The following ATP10B variants were observed in gnomAD, a reference collection of about 807,000 sequenced individuals.
The protein encoded by ATP10B is phospholipid-transporting ATPase VB.
ATP10B carries 122 observed loss-of-function variants against 141.2 expected under a neutral mutation model. The observed-to-expected ratio is 0.86, with a 90% CI of 0.75 to 1.00. The LOEUF is 1.00. Among genes scored for constraint, ATP10B ranks in the 50% least tolerant of loss-of-function variants. The probability of loss-of-function intolerance (pLI) is 0.00; values close to 1 mark genes in which losing one functional copy is unlikely to be tolerated. For synonymous variants in ATP10B, 685 were observed against 692.0 expected, an observed-to-expected ratio of 0.99 and a Z score of 0.16; for missense variants, 1,876 against 1,825.3, an observed-to-expected ratio of 1.03 and a Z score of -0.51.
chr5:160,841,236 G>T (rs773917144), intron 1 of ATP10B, among the ~76,000 whole-genome samples: 13 of 151,980 alleles, frequency 8.6e-5, no homozygotes, highest in African/African-American at 1.5e-4. Context: ...TGTAAACAAA[G>T]AATGAGGAAG....
At chr5:160,665,256 C>G (rs1021431220) in intron 7 of ATP10B, among the ~76,000 whole-genome samples, 1 of 152,146 alleles carries the variant, frequency 6.6e-6, no homozygotes, top group African/African-American at 2.4e-5. Flanking sequence ...GAGAAAGACC[C>G]TTTTAAGAAG....
the ATP10B span, among the ~76,000 whole-genome samples, chr5:160,926,842 G>A: frequency 2.6e-5 from 4 of 152,230 alleles, no homozygotes; most frequent in Non-Finnish European, 5.9e-5. Context: ...TTTTGGTACT[G>A]TGGATTTTCT....
intron 18 of ATP10B, among the ~76,000 whole-genome samples, chr5:160,607,349 C>A (rs1348691844): frequency 6.6e-6 from 1 of 152,142 alleles, no homozygotes; most frequent in Non-Finnish European, 1.5e-5. Context: ...GAGATAGACA[C>A]AAGGATGGCA....
chr5:160,820,018 A>T (rs1773978388), intron 1 of ATP10B, among the ~76,000 whole-genome samples: 1 of 152,108 alleles, frequency 6.6e-6, no homozygotes, highest in Admixed American at 6.5e-5. Context: ...AAGAAAAGAA[A>T]TAATAAGGAT....
At chr5:160,780,478 A>T (rs1209580447) in intron 2 of ATP10B, among the ~76,000 whole-genome samples, 4 of 152,192 alleles carry the variant, frequency 2.6e-5, no homozygotes, top group Non-Finnish European at 2.9e-5. Flanking sequence ...GTTCAGACTT[A>T]AACATCTAGA....
At chr5:160,749,517 G>A (rs1056055671) in intron 2 of ATP10B, among the ~76,000 whole-genome samples, 5 of 152,016 alleles carry the variant, frequency 3.3e-5, no homozygotes, top group African/African-American at 1.2e-4. Flanking sequence ...ATCCCTCATT[G>A]CCACCTGGTG....
intron 2 of ATP10B, among the ~76,000 whole-genome samples, chr5:160,737,940 G>A (rs184145980): frequency 2.0e-5 from 3 of 152,064 alleles, no homozygotes; most frequent in East Asian, 1.9e-4. Flanking sequence ...AGATTTGAAC[G>A]TTACTATCAA....
At chr5:160,914,547 T>C in the ATP10B span, among the ~76,000 whole-genome samples, 1 of 152,248 alleles carries the variant, frequency 6.6e-6, no homozygotes, top group South Asian at 2.1e-4. Context: ...TTTATGCTAT[T>C]GGTTTTTTTG....
chr5:160,876,031 C>T, the ATP10B span, among the ~76,000 whole-genome samples: 3 of 46,878 alleles, frequency 6.4e-5, 1 homozygote, highest in African/African-American at 1.4e-4. Context: ...TGCACCAAGC[C>T]GACCTAATAG....
chr5:160,590,452 G>A (rs1006584524), intron 23 of ATP10B, among the ~76,000 whole-genome samples: 3 of 152,156 alleles, frequency 2.0e-5, no homozygotes, highest in Non-Finnish European at 4.4e-5. Flanking sequence ...ATCCTGTTCC[G>A]TGTGTCCAGG....
At chr5:160,616,588 C>G (rs924558797) in intron 16 of ATP10B, among the ~76,000 whole-genome samples, 4 of 152,232 alleles carry the variant, frequency 2.6e-5, no homozygotes, top group African/African-American at 9.6e-5. Context: ...TGCCCAGTAG[C>G]TGGAATAATC....
chr5:160,808,893 G>A (rs528956607), intron 1 of ATP10B, among the ~76,000 whole-genome samples: 16 of 152,254 alleles, frequency 1.1e-4, no homozygotes, highest in African/African-American at 3.4e-4. Flanking sequence ...TGGTAGGATC[G>A]GTTCCTTCTG....
At chr5:160,864,547 C>A in the ATP10B span, among the ~76,000 whole-genome samples, 2 of 151,016 alleles carry the variant, frequency 1.3e-5, no homozygotes, top group Admixed American at 1.3e-4. Context: ...TACTTCTATT[C>A]GACATAGTAC....
intron 2 of ATP10B, among the ~76,000 whole-genome samples, chr5:160,766,508 T>C (rs2127847718): frequency 6.6e-6 from 1 of 152,202 alleles, no homozygotes; most frequent in South Asian, 2.1e-4. Context: ...AATCAAATGT[T>C]GTATGTTCTC....
chr5:160,716,641 A>G (rs1044735170), intron 3 of ATP10B, among the ~76,000 whole-genome samples: 1 of 152,238 alleles, frequency 6.6e-6, no homozygotes, highest in African/African-American at 2.4e-5. Flanking sequence ...GCCACATTTA[A>G]CAACTACAAA....
In ATP10B at chr5:160,606,852, C is replaced by T. The variant is rs374613112; in HGVS notation, c.3073G>A (p.Val1025Ile). The T allele has an allele frequency of 2.4e-5, 39 of 1,614,134 alleles. No individual in the cohort carries two copies. Among genetic ancestry groups the T allele is most frequent in the East Asian group, 8.9e-5 (4 of 44,876 alleles). ...FLELTQYCRS[V>I]LCCRSTPLQK... ...AGTGGCGTGGAGCGGCAGCACAGGA[C>T]GGACCGACAATACTGGGTCAATTCC... Residue 1025 changes from valine to isoleucine, a missense_variant, in exon 19 of 26, where the codon GTC becomes ATC. Coordinates refer to ENST00000327245, the MANE Select transcript of ATP10B (RefSeq NM_025153.3).
At chr5:160,733,208 G>T (rs2127796694) in intron 2 of ATP10B, among the ~76,000 whole-genome samples, 1 of 152,156 alleles carries the variant, frequency 6.6e-6, no homozygotes, top group Non-Finnish European at 1.5e-5. Context: ...TTTTTATTGT[G>T]TAGTTATTGC....
the ATP10B span, among the ~76,000 whole-genome samples, chr5:160,926,800 C>T: frequency 2.0e-5 from 3 of 152,194 alleles, no homozygotes; most frequent in Non-Finnish European, 4.4e-5. Context: ...AAAAGAAATC[C>T]TGCCTAGAAG....
chr5:160,588,819 A>C (rs1756084579), intron 24 of ATP10B, among the ~76,000 whole-genome samples: 1 of 152,216 alleles, frequency 6.6e-6, no homozygotes, highest in African/African-American at 2.4e-5. Context: ...CTGACTAGAA[A>C]AATCTAATCA....
Sources: allele counts gnomAD v4.1 joint callset (sites outside exome capture counted in the v4.1 genomes callset), GRCh38; gene constraint gnomAD v4.1.1; transcripts MANE v1.5; gene names NCBI Gene and HGNC (gene_info 2026-07-23, HGNC 2026-07-21).